BAZ2B: variants seen among roughly 807,000 people sequenced by gnomAD.
BAZ2B encodes the protein bromodomain adjacent to zinc finger domain protein 2B.
In BAZ2B, 91 loss-of-function variants were observed where a neutral mutation model predicts 246.0. That is an observed-to-expected ratio of 0.37 (90% CI 0.31 to 0.44). BAZ2B has a LOEUF of 0.44. Ranked by LOEUF, BAZ2B falls within the 20% of genes least tolerant of loss-of-function variation. The probability of loss-of-function intolerance (pLI) is 1.00; values close to 1 mark genes in which losing one functional copy is unlikely to be tolerated. For synonymous variants in BAZ2B, 855 were observed against 860.0 expected, an observed-to-expected ratio of 0.99 and a Z score of 0.10; for missense variants, 2,332 against 2,533.7, an observed-to-expected ratio of 0.92 and a Z score of 1.71.
At chr2:159,682,369 G>C in the BAZ2B span, among the ~76,000 whole-genome samples, 1 of 151,872 alleles carries the variant, frequency 6.6e-6, no homozygotes, top group Non-Finnish European at 1.5e-5. Flanking sequence ...TTTGTAGACA[G>C]TATCTCACTA....
At chr2:159,525,476 A>T (rs1342161009) in intron 2 of BAZ2B, among the ~76,000 whole-genome samples, 1 of 152,194 alleles carries the variant, frequency 6.6e-6, no homozygotes, top group East Asian at 1.9e-4. Context: ...ACCTTATGTG[A>T]CGTGTTGCAC....
At chr2:159,511,534 G>A (rs1281391045) in intron 2 of BAZ2B, among the ~76,000 whole-genome samples, 1 of 152,084 alleles carries the variant, frequency 6.6e-6, no homozygotes, top group African/African-American at 2.4e-5. Flanking sequence ...TATAAAGGAT[G>A]TAACAGATTT....
At chr2:159,705,189 T>A in the BAZ2B span, among the ~76,000 whole-genome samples, 1 of 152,010 alleles carries the variant, frequency 6.6e-6, no homozygotes, top group African/African-American at 2.4e-5. Flanking sequence ...TCTGGCTAAT[T>A]TTTGTATTTT....
intron 2 of BAZ2B, among the ~76,000 whole-genome samples, chr2:159,479,708 G>C (rs977433831): frequency 6.6e-6 from 1 of 152,070 alleles, no homozygotes; most frequent in African/African-American, 2.4e-5. Context: ...AATAATGCAA[G>C]GCTAGTGTTT....
intron 1 of BAZ2B, among the ~76,000 whole-genome samples, chr2:159,575,635 G>C (rs1685114415): frequency 6.6e-6 from 1 of 152,072 alleles, no homozygotes; most frequent in African/African-American, 2.4e-5. Flanking sequence ...TGTAAAGTGA[G>C]GAATGGAGAC....
rs536116110 is a variant in BAZ2B at position 159,608,038 on chromosome 2, C to T, written c.-46+8204G>A. Among the ~76,000 whole-genome samples, 19 of 152,264 alleles carry T rather than the reference C, an allele frequency of 1.2e-4. No homozygotes were observed. The South Asian group carries it at 2.7e-3, about 22-fold the overall frequency. On this transcript the variant is annotated intron_variant, in intron 1 of 36. Coordinates refer to ENST00000392783, the MANE Select transcript of BAZ2B (RefSeq NM_013450.4). Reference sequence around the variant, plus strand: ...TGAGTCACTTTACTTTTTCAAACAACGTCTAAATTTTCTGTTTTGCTGGGT... The same window carrying T: ...TGAGTCACTTTACTTTTTCAAACAATGTCTAAATTTTCTGTTTTGCTGGGT...
intron 13 of BAZ2B, among the ~76,000 whole-genome samples, chr2:159,422,355 A>G (rs1184687266): frequency 6.6e-6 from 1 of 152,208 alleles, no homozygotes; most frequent in East Asian, 1.9e-4. Flanking sequence ...CTACAAGGCT[A>G]CAGTAACCAA....
chr2:159,543,057 C>G (rs1260327508), intron 2 of BAZ2B, among the ~76,000 whole-genome samples: 1 of 152,156 alleles, frequency 6.6e-6, no homozygotes, highest in African/African-American at 2.4e-5. Flanking sequence ...ATACCTCCCC[C>G]TCACAAAGTT....
At chr2:159,429,057 T>A in intron 11 of BAZ2B, 143 bp downstream of exon 11, 1 of 513,010 alleles carries the variant, frequency 1.9e-6, no homozygotes. Context: ...TTCCTTGCCC[T>A]TTGCTCCGGC....
the BAZ2B span, among the ~76,000 whole-genome samples, chr2:159,678,737 T>A: frequency 9.2e-5 from 14 of 152,264 alleles, no homozygotes; most frequent in Non-Finnish European, 1.6e-4. Context: ...CATAAAAACA[T>A]ATACAGATTT....
At chr2:159,544,502 A>G (rs1234345556) in intron 2 of BAZ2B, among the ~76,000 whole-genome samples, 1 of 152,200 alleles carries the variant, frequency 6.6e-6, no homozygotes, top group African/African-American at 2.4e-5. Flanking sequence ...TAAAGAGGAG[A>G]AGGTTTCTGG....
intron 22 of BAZ2B, among the ~76,000 whole-genome samples, 163 bp from the exon 23 acceptor site, chr2:159,385,532 G>C (rs1365638621): frequency 6.6e-6 from 1 of 151,786 alleles, no homozygotes; most frequent in Non-Finnish European, 1.5e-5. Context: ...ATAGAAGACA[G>C]ACAAATATTC....
chr2:159,560,841 C>T (rs1284702771), intron 1 of BAZ2B, among the ~76,000 whole-genome samples: 1 of 151,986 alleles, frequency 6.6e-6, no homozygotes, highest in Non-Finnish European at 1.5e-5. Flanking sequence ...CCCTAACTTG[C>T]TAATCATTTC....
intron 17 of BAZ2B, among the ~76,000 whole-genome samples, chr2:159,399,254 CAT>C (rs2064571224): frequency 6.6e-6 from 1 of 152,010 alleles, no homozygotes; most frequent in Non-Finnish European, 1.5e-5. Context: ...AAAAGTAAAA[CAT>C]AATCACTGTA....
intron 34 of BAZ2B, among the ~76,000 whole-genome samples, chr2:159,330,190 A>T (rs971813993): frequency 1.4e-4 from 21 of 152,232 alleles, no homozygotes; most frequent in Non-Finnish European, 2.4e-4. Flanking sequence ...ACAGAACTAT[A>T]AAGTTATAAA....
chr2:159,399,077 T>A, intron 17 of BAZ2B, 183 bp from the exon 18 acceptor site: 1 of 494,606 alleles, frequency 2.0e-6, no homozygotes, highest in South Asian at 4.4e-5. Flanking sequence ...TGTTTCTAAT[T>A]TATAGAATAG....
the BAZ2B span, among the ~76,000 whole-genome samples, chr2:159,633,027 A>T: frequency 1.3e-5 from 2 of 152,208 alleles, no homozygotes; most frequent in Non-Finnish European, 2.9e-5. Flanking sequence ...TGGCTATATG[A>T]ATTTTACAAG....
the BAZ2B span, among the ~76,000 whole-genome samples, chr2:159,645,352 G>A: frequency 4.0e-5 from 6 of 151,520 alleles, no homozygotes; most frequent in Admixed American, 1.3e-4. Context: ...TAACCTTTTC[G>A]GCACCAGGGA....
intron 1 of BAZ2B, among the ~76,000 whole-genome samples, chr2:159,594,689 T>C (rs1483573549): frequency 6.6e-6 from 1 of 152,006 alleles, no homozygotes; most frequent in African/African-American, 2.4e-5. Context: ...TGGAGTGCAG[T>C]GGCGTGATTA....
Sources: allele counts gnomAD v4.1 joint callset (sites outside exome capture counted in the v4.1 genomes callset), GRCh38; gene constraint gnomAD v4.1.1; transcripts MANE v1.5; gene names NCBI Gene and HGNC (gene_info 2026-07-23, HGNC 2026-07-21).